SCN9A: variants seen among roughly 807,000 people sequenced by gnomAD.
The protein encoded by SCN9A is sodium voltage-gated channel alpha subunit 9, also known as sodium channel protein type 9 subunit alpha.
SCN9A carries 131 observed loss-of-function variants against 187.0 expected under a neutral mutation model. The observed-to-expected ratio is 0.70, with a 90% CI of 0.61 to 0.81. The LOEUF is 0.81. Among genes scored for constraint, SCN9A ranks in the 30% least tolerant of loss-of-function variants. The probability of loss-of-function intolerance (pLI) is 0.00; values close to 1 mark genes in which losing one functional copy is unlikely to be tolerated. For synonymous variants in SCN9A, 809 were observed against 808.6 expected (o/e 1.00, Z -0.01); for missense variants, 2,252 against 2,396.6 (o/e 0.94, Z 1.26).
chr2:166,224,418 T>C (rs1459320026), intron 24 of SCN9A, among the ~76,000 whole-genome samples: 1 of 152,168 alleles, frequency 6.6e-6, no homozygotes, highest in Non-Finnish European at 1.5e-5. Context: ...TGCACACTAA[T>C]GACATTTTGG....
intron 1 of SCN9A, among the ~76,000 whole-genome samples, chr2:166,339,927 C>A (rs190457189): frequency 1.6e-4 from 25 of 152,210 alleles, no homozygotes; most frequent in African/African-American, 5.3e-4. Flanking sequence ...GTTGGCTTTA[C>A]CACTCTTGTA....
In SCN9A at chr2:166,293,484, T is replaced by TTGTTAATTCATGTTA; in HGVS notation, c.966-113_966-112insTAACATGAATTAACA. 3.3e-6 allele frequency: 3 copies of TTGTTAATTCATGTTA among 899,896 alleles called. No homozygotes were observed. In the South Asian group the frequency reaches 7.2e-5, roughly 22 times the overall value. 55.7% of individuals were successfully genotyped at this position (899,896 alleles called of 1,614,324 possible). Reference sequence around the variant, plus strand: ...TCTTCTATAGGGGGACAATATTGAATAAGGATTAAGAATACATGATTTGGC... The same window carrying TTGTTAATTCATGTTA: ...TCTTCTATAGGGGGACAATATTGAATTGTTAATTCATGTTAAAGGATTAAGAATACATGATTTGGC... On this transcript the variant is annotated intron_variant, in intron 8 of 26. Transcript: ENST00000642356.
intron 1 of SCN9A, among the ~76,000 whole-genome samples, chr2:166,357,148 G>T (rs1164652027): frequency 6.6e-6 from 1 of 152,018 alleles, no homozygotes; most frequent in East Asian, 1.9e-4. Flanking sequence ...AGTGTGTGTT[G>T]TTCCCACCTA....
At chr2:166,247,330 A>C (rs1238311509) in intron 18 of SCN9A, among the ~76,000 whole-genome samples, 1 of 152,030 alleles carries the variant, frequency 6.6e-6, no homozygotes, top group Non-Finnish European at 1.5e-5. Context: ...TAACTAAAAC[A>C]AATATTTGTT....
chr2:166,322,458 C>T lies in SCN9A; in HGVS notation c.-50-10652G>A, dbSNP rs533289922. ...GTGGAGATGACATAACCTCTCTGAGCCTAAGATTCCTAGTTTGAAAAATTG... is the reference window on the plus strand; with the variant it reads ...GTGGAGATGACATAACCTCTCTGAGTCTAAGATTCCTAGTTTGAAAAATTG... On this transcript the variant is annotated intron_variant, in intron 1 of 26. Transcript: ENST00000642356. Among the ~76,000 whole-genome samples the T allele has an allele frequency of 1.2e-4, 18 of 152,196 alleles. No homozygotes were observed. In the East Asian group the frequency reaches 3.5e-3, roughly 29 times the overall value.
intron 26 of SCN9A, among the ~76,000 whole-genome samples, chr2:166,203,234 ATTAAAC>A (rs1326372143): frequency 6.6e-6 from 1 of 151,870 alleles, no homozygotes; most frequent in Non-Finnish European, 1.5e-5. Context: ...TAACCTGTTG[ATTAAAC>A]TTGTAGTAAT....
intron 1 of SCN9A, among the ~76,000 whole-genome samples, chr2:166,318,833 A>G (rs1699171897): frequency 6.6e-6 from 1 of 152,170 alleles, no homozygotes. Flanking sequence ...ATGGAGTTCT[A>G]TATCTTAGAT....
chr2:166,286,745 A>G (rs9917250), intron 10 of SCN9A, 122 bp from the exon 11 acceptor site: 58,396 of 654,954 alleles, frequency 0.089, 2,983 homozygotes, highest in Admixed American at 0.18. Flanking sequence ...TCCTTTAAAC[A>G]TGAAATGATC....
rs1344699520 is a variant in SCN9A, at chr2:166,311,607, G to T, written c.150C>A (p.Ser50Arg). 1 of 1,613,172 alleles carries T rather than the reference G, an allele frequency of 6.2e-7. No individual in the cohort carries two copies. Among genetic ancestry groups the T allele is most frequent in the Non-Finnish European group, 8.5e-7 (1 of 1,179,730 alleles). The change falls in exon 2 of 27, where the codon AGC (serine) becomes AGA (arginine). Residue 50 changes from serine to arginine, a missense_variant. Around this residue, in one of 7 missense-constraint regions of SCN9A, gnomAD observed 1,013 missense variants for 997.4 expected, o/e 1.02. Coordinates refer to ENST00000642356, the MANE Select transcript of SCN9A (RefSeq NM_001365536.1). ...GCTGTTTGCCAGCTTCCAAGTCACTGCTTGGCTTTGGGGCTTCTTCATCAT... is the reference window on the plus strand; with the variant it reads ...GCTGTTTGCCAGCTTCCAAGTCACTTCTTGGCTTTGGGGCTTCTTCATCAT... ...KDDDEEAPKP[S>R]SDLEAGKQLP... is the part of the protein sequence containing the mutation.
intron 5 of SCN9A, among the ~76,000 whole-genome samples, chr2:166,304,921 A>G (rs978428579): frequency 6.6e-6 from 1 of 152,104 alleles, no homozygotes; most frequent in Non-Finnish European, 1.5e-5. Context: ...TAGTATTTGA[A>G]TTGTACCAAT....
chr2:166,306,933 T>A (rs751159961), intron 3 of SCN9A, 23 bp downstream of exon 3: 1 of 1,347,726 alleles, frequency 7.4e-7, no homozygotes, highest in Non-Finnish European at 1.1e-6. Flanking sequence ...TGCCACTGGA[T>A]GTAATCATTT....
intron 1 of SCN9A, among the ~76,000 whole-genome samples, chr2:166,348,568 T>C (rs1699958462): frequency 6.6e-6 from 1 of 152,158 alleles, no homozygotes; most frequent in African/African-American, 2.4e-5. Context: ...ATCCACAGAA[T>C]ATATAGTACT....
rs1024152367 is a variant in SCN9A, at chr2:166,277,137, C to T, written c.2720G>A (p.Arg907Gln). 8.1e-6 allele frequency: 13 copies of T among 1,613,926 alleles called. 1 individual carries two copies. Among genetic ancestry groups the T allele is most frequent in the Middle Eastern group, 3.3e-4 (2 of 6,062 alleles). Reference protein sequence around the residue: ...CKINDDCTLPRWHMNDFFHSF... With the variant: ...CKINDDCTLPQWHMNDFFHSF... ...GTGGAAGAAGTCGTTCATGTGCCAC[C>T]GTGGGAGCGTACAGTCATCATTGAT... Residue 907 changes from arginine (R) to glutamine (Q), a missense_variant, in exon 16 of 27, where the codon CGG becomes CAG. Arg to Gln is a conservative substitution (Grantham distance 43). Around this residue, in one of 7 missense-constraint regions of SCN9A, gnomAD observed 119 missense variants for 188.7 expected, o/e 0.63. Coordinates refer to ENST00000642356, the MANE Select transcript of SCN9A (RefSeq NM_001365536.1).
chr2:166,321,578 G>A (rs771919739), intron 1 of SCN9A: 54 of 151,260 alleles, frequency 3.6e-4, no homozygotes, highest in African/African-American at 1.2e-3. Flanking sequence ...TTTGAACTCC[G>A]AGTCTCTATT....
chr2:166,278,399 T>A, intron 14 of SCN9A, 86 bp from the exon 15 acceptor site: 1 of 1,161,792 alleles, frequency 8.6e-7, no homozygotes, highest in Non-Finnish European at 1.2e-6. Context: ...GCTTAGCATT[T>A]ACTGTGTTCC....
chr2:166,226,840 G>A, intron 23 of SCN9A, 136 bp from the exon 24 acceptor site: 2 of 503,036 alleles, frequency 4.0e-6, no homozygotes, highest in Non-Finnish European at 6.7e-6. Context: ...CATTGTTGAG[G>A]TTTAACATAA....
intron 20 of SCN9A, among the ~76,000 whole-genome samples, chr2:166,236,267 C>G (rs919581436): frequency 5.3e-5 from 8 of 151,934 alleles, no homozygotes; most frequent in Non-Finnish European, 1.2e-4. Flanking sequence ...GAAATCATTA[C>G]TATATCCGAA....
At chr2:166,303,885 T>C in intron 6 of SCN9A, 1 of 818,092 alleles carries the variant, frequency 1.2e-6, no homozygotes, top group South Asian at 1.7e-5. Context: ...ACCCATGCAA[T>C]TGATTAAACT....
At chr2:166,235,208 A>G (rs1695261275) in intron 20 of SCN9A, among the ~76,000 whole-genome samples, 1 of 152,148 alleles carries the variant, frequency 6.6e-6, no homozygotes, top group East Asian at 1.9e-4. Context: ...CAGCCCCTAA[A>G]ATACTAATAG....
Sources: allele counts gnomAD v4.1 joint callset (sites outside exome capture counted in the v4.1 genomes callset), GRCh38; gene constraint gnomAD v4.1.1; regional missense constraint gnomAD v4.1.1; transcripts MANE v1.5; gene names NCBI Gene and HGNC (gene_info 2026-07-23, HGNC 2026-07-21).